Variants in CFTR observed in about 807,000 individuals in gnomAD.
The protein encoded by CFTR is CF transmembrane conductance regulator.
Under a neutral mutation model 171.6 loss-of-function variants are expected in CFTR, and 181 were observed. The ratio of observed to expected loss-of-function variants is 1.05; its 90% CI spans 0.93 to 1.19. The LOEUF (loss-of-function observed/expected upper bound fraction) is 1.19, where lower values mean the gene tolerates loss of function less well. Among genes scored for constraint, CFTR ranks in the 50% most tolerant of loss-of-function variants. CFTR has a pLI of 0.00. For synonymous variants in CFTR, 583 were observed against 608.0 expected, an observed-to-expected ratio of 0.96 and a Z score of 0.60; for missense variants, 1,968 against 1,734.7, an observed-to-expected ratio of 1.13 and a Z score of -2.39.
chr7:117,647,294 A>G (rs1267307626), intron 23 of CFTR: 1 of 151,858 alleles, frequency 6.6e-6, no homozygotes, highest in Non-Finnish European at 1.5e-5. Flanking sequence ...TTTCATTGCT[A>G]TAAAGAAATA....
chr7:117,548,564 G>C, intron 9 of CFTR, 77 bp from the exon 10 acceptor site: 1 of 1,559,160 alleles, frequency 6.4e-7, no homozygotes, highest in Non-Finnish European at 8.7e-7. Context: ...CATAAAACAA[G>C]CATCTATTGA....
intron 21 of CFTR, among the ~76,000 whole-genome samples, chr7:117,618,304 C>T (rs1198280794): frequency 2.6e-5 from 4 of 152,056 alleles, no homozygotes; most frequent in South Asian, 2.1e-4. Context: ...GCCTGGCCAA[C>T]GTGGTGAAAC....
Position 117,542,053 on chromosome 7 carries a change from A to G in CFTR, c.1154A>G (p.Tyr385Cys), listed in dbSNP as rs1799062053. 6.3e-7 allele frequency: 1 copy of G among 1,598,214 alleles called. No individual in the cohort carries two copies. ...AAGCAAGAATATAAGACATTGGAAT[A>G]TAACTTAACGACTACAGAAGTAGTG... ...LQKQEYKTLE[Y>C]NLTTTEVVME... Residue 385 changes from tyrosine (Y) to cysteine (C), a missense_variant, in exon 9 of 27, where the codon TAT (tyrosine) becomes TGT (cysteine). Coordinates refer to ENST00000003084, the MANE Select transcript of CFTR (RefSeq NM_000492.4).
At chr7:117,603,140 A>G (rs561376237) in intron 16 of CFTR, among the ~76,000 whole-genome samples, 24 of 152,188 alleles carry the variant, frequency 1.6e-4, no homozygotes, top group Admixed American at 7.8e-4. Context: ...TAGCCACCGC[A>G]CTCCAGCCTG....
chr7:117,617,359 T>C (rs1792506661), intron 21 of CFTR, among the ~76,000 whole-genome samples: 1 of 151,842 alleles, frequency 6.6e-6, no homozygotes, highest in Non-Finnish European at 1.5e-5. Flanking sequence ...ATAAAGGTAA[T>C]GTTTAGATAA....
intron 11 of CFTR, among the ~76,000 whole-genome samples, chr7:117,576,947 A>G (rs753054219): frequency 3.3e-5 from 5 of 152,170 alleles, no homozygotes; most frequent in Admixed American, 6.6e-5. Context: ...AGAGCAAATC[A>G]CACTCCTCCC....
chr7:117,516,144 T>C (rs1009507557), intron 3 of CFTR, among the ~76,000 whole-genome samples: 1 of 152,208 alleles, frequency 6.6e-6, no homozygotes, highest in African/African-American at 2.4e-5. Context: ...AGCTAACTAG[T>C]GTCCTTTAAT....
chr7:117,492,024 A>G (rs1232135253), intron 1 of CFTR, among the ~76,000 whole-genome samples: 2 of 152,090 alleles, frequency 1.3e-5, no homozygotes, highest in Admixed American at 1.3e-4. Flanking sequence ...GTGATATGAT[A>G]CAGGAACAAT....
At position 117,531,101 on chromosome 7, in the gene CFTR, T is replaced by C. The variant is rs397508727; in HGVS notation, c.476T>C (p.Leu159Ser). The C allele has an allele frequency of 6.2e-6, 10 of 1,612,524 alleles. No homozygotes were observed. Among genetic ancestry groups the C allele is most frequent in the Admixed American group, 1.7e-5 (1 of 59,828 alleles). The change falls in exon 4 of 27, where the codon TTG (leucine) becomes TCG (serine). Residue 159 changes from leucine (L) to serine (S), a missense_variant. Coordinates refer to ENST00000003084, the MANE Select transcript of CFTR (RefSeq NM_000492.4). ...CAGATGAGAATAGCTATGTTTAGTT[T>C]GATTTATAAGAAGGTAATACTTCCT... ...GMQMRIAMFS[L>S]IYKKTLKLSS...
intron 3 of CFTR, among the ~76,000 whole-genome samples, chr7:117,517,670 C>T (rs748933369): frequency 2.6e-5 from 4 of 152,210 alleles, no homozygotes; most frequent in Non-Finnish European, 5.9e-5. Context: ...TACACTCCCA[C>T]CAACAGTGTA....
intron 22 of CFTR, among the ~76,000 whole-genome samples, chr7:117,633,154 T>TA (rs1438797081): frequency 6.6e-6 from 1 of 152,200 alleles, no homozygotes; most frequent in Non-Finnish European, 1.5e-5. Flanking sequence ...CATTATGAAA[T>TA]ATTTCTCCAT....
intron 1 of CFTR, among the ~76,000 whole-genome samples, chr7:117,484,538 A>G (rs1468656353): frequency 6.6e-6 from 1 of 152,068 alleles, no homozygotes; most frequent in African/African-American, 2.4e-5. Context: ...AGTCTTTTCT[A>G]TTTATCCTTT....
Position 117,614,893 on chromosome 7 carries a change from A to G in CFTR, c.3468+180A>G, listed in dbSNP as rs147928902. ...TCCTTATCTCTTCTTTCCTTCTCAT[A>G]GATAGCCACTATGAAGATCTAATAC... On this transcript the variant is annotated intron_variant, in intron 21 of 26. Coordinates refer to ENST00000003084, the MANE Select transcript of CFTR (RefSeq NM_000492.4). Among the ~76,000 whole-genome samples the G allele has an allele frequency of 1.4e-3, 210 of 152,256 alleles. No homozygotes were observed. Among genetic ancestry groups the G allele is most frequent in the African/African-American group, 4.8e-3 (199 of 41,556 alleles).
chr7:117,612,038 T>TATATATATATGTATATATATATATATAC (rs1792409838), intron 20 of CFTR, among the ~76,000 whole-genome samples: 1 of 77,582 alleles, frequency 1.3e-5, no homozygotes, highest in Admixed American at 1.2e-4. Context: ...TATATATATA[T>TATATATATATGTATATATATATATATAC]ATATATATAT....
chr7:117,491,316 A>G (rs989725029), intron 1 of CFTR, among the ~76,000 whole-genome samples: 5 of 152,044 alleles, frequency 3.3e-5, no homozygotes, highest in African/African-American at 4.8e-5. Flanking sequence ...TTAAATACTC[A>G]AAGTATCACC....
intron 19 of CFTR, 49 bp downstream of exon 19, chr7:117,610,718 C>A (rs748368017): frequency 6.3e-7 from 1 of 1,593,888 alleles, no homozygotes; most frequent in South Asian, 1.1e-5. Flanking sequence ...GCTATAAGAG[C>A]TATTTGAGAT....
chr7:117,646,161 TTG>T (rs1792992595), intron 23 of CFTR, among the ~76,000 whole-genome samples: 4 of 152,140 alleles, frequency 2.6e-5, no homozygotes, highest in African/African-American at 7.2e-5. Context: ...AACTAATTCA[TTG>T]TGTTTTTGTG....
intron 21 of CFTR, among the ~76,000 whole-genome samples, chr7:117,624,626 G>A (rs1381737479): frequency 6.6e-6 from 1 of 152,132 alleles, no homozygotes; most frequent in East Asian, 1.9e-4. Flanking sequence ...CCAGGATTTG[G>A]TTGCAAGGCA....
In CFTR at chr7:117,592,488, C is replaced by A; in HGVS notation, c.2321C>A (p.Thr774Lys). The A allele has an allele frequency of 6.5e-7, 1 of 1,548,408 alleles. No individual in the cohort carries two copies. The change falls in exon 14 of 27, where the codon ACA (threonine) becomes AAA (lysine). Residue 774 changes from threonine to lysine, a missense_variant. Thr to Lys is a moderately conservative substitution (Grantham distance 78). Coordinates refer to ENST00000003084, the MANE Select transcript of CFTR (RefSeq NM_000492.4). ...RRRQSVLNLMTHSVNQGQNIH... is the reference protein window; with the variant it reads ...RRRQSVLNLMKHSVNQGQNIH... ...AGGCAGTCTGTCCTGAACCTGATGACACACTCAGTTAACCAAGGTCAGAAC... is the reference window on the plus strand; with the variant it reads ...AGGCAGTCTGTCCTGAACCTGATGAAACACTCAGTTAACCAAGGTCAGAAC...
Sources: allele counts gnomAD v4.1 joint callset (sites outside exome capture counted in the v4.1 genomes callset), GRCh38; gene constraint gnomAD v4.1.1; transcripts MANE v1.5; gene names NCBI Gene and HGNC (gene_info 2026-07-23, HGNC 2026-07-21).